The following AKAP13 variants were observed in gnomAD, a reference collection of about 807,000 sequenced individuals.
The protein encoded by AKAP13 is A-kinase anchoring protein 13.
Under a neutral mutation model 264.5 loss-of-function variants are expected in AKAP13, and 80 were observed. The observed-to-expected ratio is 0.30, with a 90% CI of 0.25 to 0.36. The LOEUF (loss-of-function observed/expected upper bound fraction) is 0.36. AKAP13 is among the 10% of genes least tolerant of loss of function. The probability of loss-of-function intolerance (pLI) is 1.00; values close to 1 mark genes in which losing one functional copy is unlikely to be tolerated. For synonymous variants in AKAP13, 1,380 were observed against 1,250.2 expected (o/e 1.10, Z -2.19); for missense variants, 3,712 against 3,435.2 (o/e 1.08, Z -2.01).
At chr15:85,680,463 ACAG>A (rs2084526120) in intron 14 of AKAP13, among the ~76,000 whole-genome samples, 1 of 152,218 alleles carries the variant, frequency 6.6e-6, no homozygotes, top group African/African-American at 2.4e-5. Context: ...AGTGAAATGA[ACAG>A]AAGAAGAACC....
chr15:85,718,792 C>T lies in AKAP13; in HGVS notation c.6002-284C>T, dbSNP rs917547497. On this transcript the variant is annotated intron_variant, in intron 22 of 36. Transcript: ENST00000394518. This position sits in a 1 kb window ranked among gnomAD's most constrained non-coding sequence, Gnocchi z 4.9. ...GCATGTACCTGCAGCCCCAGCTGCTCGAGAGGCTAAAGCAGAAAGATCGCT... is the reference window on the plus strand; with the variant it reads ...GCATGTACCTGCAGCCCCAGCTGCTTGAGAGGCTAAAGCAGAAAGATCGCT... The T allele has an allele frequency of 1.1e-5, 4 of 360,970 alleles. No individual in the cohort carries two copies. The highest frequency in any genetic ancestry group is 4.4e-5 in the Admixed American group (1 of 22,894). 22.4% of individuals were successfully genotyped at this position (360,970 alleles called of 1,614,324 possible).
chr15:85,684,597 C>A, intron 15 of AKAP13, 144 bp from the exon 16 acceptor site: 1 of 825,558 alleles, frequency 1.2e-6, no homozygotes, highest in Non-Finnish European at 1.8e-6. Context: ...GGAAACTTAG[C>A]CAAGTTTTGA....
rs1268560311 is a variant in AKAP13 at position 85,743,385 on chromosome 15, T to TA, written c.8059-105dup. On this transcript the variant is annotated intron_variant, in intron 35 of 36. Coordinates refer to ENST00000394518, the MANE Select transcript of AKAP13 (RefSeq NM_007200.5). ...GCTCTGTAGAGTTCGCAGAGGTGGGTAAGTACCCAGCCAGCACACCCAGTT... is the reference window on the plus strand; with the variant it reads ...GCTCTGTAGAGTTCGCAGAGGTGGGTAAAGTACCCAGCCAGCACACCCAGTT... 1.2e-5 allele frequency: 15 copies of TA among 1,231,320 alleles called. No homozygotes were observed. The East Asian group carries it at 3.6e-4, about 29-fold the overall frequency. The allele number at this position is 1,231,320 out of a possible 1,614,324, so 76.3% of individuals were successfully genotyped here.
intron 16 of AKAP13, among the ~76,000 whole-genome samples, chr15:85,686,606 CAA>C (rs5814212): frequency 4.7e-4 from 65 of 138,284 alleles, no homozygotes; most frequent in Admixed American, 3.6e-4. Flanking sequence ...TTTATAATTC[CAA>C]AAAAAAAAAA....
At chr15:85,496,194 C>CT (rs1208911354) in intron 2 of AKAP13, among the ~76,000 whole-genome samples, 2 of 152,118 alleles carry the variant, frequency 1.3e-5, no homozygotes, top group Non-Finnish European at 2.9e-5. Context: ...CCCCCACCTC[C>CT]TTTTTTCCCT....
At chr15:85,549,298 A>G (rs924102641) in intron 5 of AKAP13, among the ~76,000 whole-genome samples, 1 of 152,184 alleles carries the variant, frequency 6.6e-6, no homozygotes, top group Non-Finnish European at 1.5e-5. Context: ...ATAAAAAATC[A>G]TTTACAGTCC....
intron 10 of AKAP13, among the ~76,000 whole-genome samples, chr15:85,652,964 T>C (rs910303198): frequency 2.6e-5 from 4 of 152,140 alleles, no homozygotes; most frequent in African/African-American, 9.7e-5. Context: ...AGACCCTCTT[T>C]CCAAATAAGC....
intron 17 of AKAP13, among the ~76,000 whole-genome samples, chr15:85,706,300 T>C (rs554130676): frequency 1.5e-3 from 221 of 152,204 alleles, no homozygotes; most frequent in African/African-American, 5.2e-3. Context: ...AGAATAGTGC[T>C]CGTGAGGATG....
In AKAP13 at chr15:85,581,923, G is replaced by T. The variant is rs1439742326; in HGVS notation, c.3855G>T (p.Leu1285Phe). 6.2e-7 allele frequency: 1 copy of T among 1,614,166 alleles called. No individual in the cohort carries two copies. Among genetic ancestry groups the T allele is most frequent in the Non-Finnish European group, 8.5e-7 (1 of 1,180,014 alleles). The change falls in exon 7 of 37, where the codon TTG becomes TTT. Residue 1285 changes from leucine (L) to phenylalanine (F), a missense_variant. Leu to Phe is a conservative substitution (Grantham distance 22, BLOSUM62 0). Transcript: ENST00000394518. Reference protein sequence around the residue: ...ACHMSLSSPELGPLTKGLESA... With the variant: ...ACHMSLSSPEFGPLTKGLESA... ...ACATGTCACTGTCCAGCCCTGAGTTGGGTCCTCTCACTAAAGGACTAGAGA... is the reference window on the plus strand; with the variant it reads ...ACATGTCACTGTCCAGCCCTGAGTTTGGTCCTCTCACTAAAGGACTAGAGA...
chr15:85,735,229 A>G (rs1284678655), intron 31 of AKAP13, 79 bp downstream of exon 31: 9 of 1,537,664 alleles, frequency 5.9e-6, no homozygotes, highest in African/African-American at 1.4e-5. Flanking sequence ...GTACTTTAGT[A>G]GCTACATCAC....
chr15:85,519,016 G>A (rs2076710873), intron 2 of AKAP13, among the ~76,000 whole-genome samples: 1 of 152,078 alleles, frequency 6.6e-6, no homozygotes, highest in Admixed American at 6.5e-5. Context: ...GCAAGATGTT[G>A]GGTCTCATAT....
At chr15:85,382,814 G>T (rs1048228378) in intron 1 of AKAP13, among the ~76,000 whole-genome samples, 3 of 152,224 alleles carry the variant, frequency 2.0e-5, no homozygotes, top group African/African-American at 7.2e-5. Flanking sequence ...CACGGTACGT[G>T]TTTGAATTGG....
intron 5 of AKAP13, among the ~76,000 whole-genome samples, chr15:85,574,459 T>C (rs1286034021): frequency 6.6e-6 from 1 of 152,262 alleles, no homozygotes; most frequent in Non-Finnish European, 1.5e-5. Context: ...AAAGTTGTTA[T>C]ATTTGTTTAT....
In AKAP13 at chr15:85,575,125, A is replaced by T. The variant is rs1381820682; in HGVS notation, c.663-6A>T. 1 of 1,613,790 alleles carries T rather than the reference A, an allele frequency of 6.2e-7. No individual in the cohort carries two copies. The highest frequency in any genetic ancestry group is 8.5e-7 in the Non-Finnish European group (1 of 1,179,728). On this transcript the variant is annotated splice_region_variant and splice_polypyrimidine_tract_variant and intron_variant, in intron 5 of 36. Transcript: ENST00000394518. Reference sequence around the variant, plus strand: ...ATATATATTAACCAGAGATGCTTGCATGTAGGGAGAATGCTGGAGAACCAG... The same window carrying T: ...ATATATATTAACCAGAGATGCTTGCTTGTAGGGAGAATGCTGGAGAACCAG...
intron 8 of AKAP13, among the ~76,000 whole-genome samples, chr15:85,617,287 A>T (rs2080982327): frequency 6.6e-6 from 1 of 152,212 alleles, no homozygotes. Flanking sequence ...CTCTGTTGCC[A>T]GGCTCGAGTG....
At position 85,508,710 on chromosome 15, in the gene AKAP13, A is replaced by C. The variant is rs543088336; in HGVS notation, c.34-12718A>C. On this transcript the variant is annotated intron_variant, in intron 2 of 36. Transcript: ENST00000394518. Reference sequence around the variant, plus strand: ...TAGCATCACACTAAAAAAGAAAAAGAAAAAGAAAAAAAAATCCATATTCCA... The same window carrying C: ...TAGCATCACACTAAAAAAGAAAAAGCAAAAGAAAAAAAAATCCATATTCCA... Among the ~76,000 whole-genome samples the C allele has an allele frequency of 4.6e-5, 7 of 152,046 alleles. No homozygotes were observed. In the South Asian group the frequency reaches 1.5e-3, roughly 32 times the overall value.
chr15:85,696,710 C>T (rs925559427), intron 17 of AKAP13, among the ~76,000 whole-genome samples: 1 of 152,096 alleles, frequency 6.6e-6, no homozygotes, highest in Non-Finnish European at 1.5e-5. Context: ...TAAATAAAAT[C>T]TATTTTTTAA....
At chr15:85,449,346 G>T (rs904549461) in intron 1 of AKAP13, among the ~76,000 whole-genome samples, 2 of 152,050 alleles carry the variant, frequency 1.3e-5, no homozygotes, top group Non-Finnish European at 1.5e-5. Flanking sequence ...ATGGGGTTTT[G>T]TAGATACAGA....
intron 1 of AKAP13, among the ~76,000 whole-genome samples, chr15:85,456,806 C>G (rs1001309411): frequency 6.6e-6 from 1 of 152,090 alleles, no homozygotes; most frequent in Non-Finnish European, 1.5e-5. Context: ...CTCATGTTGA[C>G]AGCTTTTCTC....
Sources: gnomAD v4.1 joint callset for allele counts (sites outside exome capture counted in the v4.1 genomes callset) on GRCh38, gnomAD v4.1.1 for gene constraint, Gnocchi (gnomAD v3.1) non-coding constraint, MANE v1.5 for transcripts, NCBI Gene and HGNC (gene_info 2026-07-23, HGNC 2026-07-21) for gene names.